Variants in PABIR2 observed in about 807,000 individuals in gnomAD.
PABIR2 encodes the protein PABIR family member 2, also known as family with sequence similarity 122B.
A neutral mutation model predicts 22.8 loss-of-function variants in PABIR2; 7 were observed. That is an observed-to-expected ratio of 0.31 (90% confidence interval 0.17 to 0.58). The LOEUF (loss-of-function observed/expected upper bound fraction) is 0.58. PABIR2 is among the 20% of genes least tolerant of loss of function. The pLI is 0.89. For missense variants in PABIR2, 155 were observed against 205.1 expected, an observed-to-expected ratio of 0.76 and a Z score of 1.49; for synonymous variants, 67 against 73.8, an observed-to-expected ratio of 0.91 and a Z score of 0.47.
Position 134,771,790 on chromosome X carries a change from A to G in PABIR2, c.*349T>C, listed in dbSNP as rs1009978169. 8 of 820,563 alleles carry G rather than the reference A, an allele frequency of 9.7e-6. No individual in the cohort carries two copies. Among genetic ancestry groups the G allele is most frequent in the Non-Finnish European group, 1.2e-5 (8 of 683,846 alleles). 67.6% of individuals were successfully genotyped at this position (820,563 alleles called of 1,213,427 possible). On this transcript the variant is annotated 3_prime_UTR_variant, in exon 10 of 10. Transcript: ENST00000343004. Reference sequence around the variant, plus strand: ...AATCTGTCATATCACTGCTGCGGAAAAGGACCATTAAAGGCAATACACATC... The same window carrying G: ...AATCTGTCATATCACTGCTGCGGAAGAGGACCATTAAAGGCAATACACATC...
chrX:134,792,808 G>A (rs1041097054), intron 2 of PABIR2, among the ~76,000 whole-genome samples: 4 of 111,878 alleles, frequency 3.6e-5, no homozygotes, highest in African/African-American at 9.8e-5. Flanking sequence ...TTTGTAATAC[G>A]TAAAATACTA....
rs763785225 is a variant in PABIR2, at chrX:134,781,930, G to C, written c.563-13C>G. ...GTCTCCATTTCACCTAAAACAGAAA[G>C]AGATGATGCTACTATAAAACAATTT... On this transcript the variant is annotated splice_polypyrimidine_tract_variant and intron_variant, in intron 8 of 9. Transcript: ENST00000343004. The C allele has an allele frequency of 3.5e-6, 4 of 1,140,977 alleles. No homozygotes were observed. In the East Asian group the frequency reaches 1.2e-4, roughly 34 times the overall value. The allele number at this position is 1,140,977 out of a possible 1,213,427, so 94.0% of individuals were successfully genotyped here. A position where few individuals can be genotyped will look rare whatever the true frequency, so the allele number is the denominator to read the frequency against.
rs200890348 is a variant in PABIR2 at position 134,796,105 on chromosome X, C to T, written c.98+3G>A. 1.2e-4 allele frequency: 147 copies of T among 1,206,586 alleles called. No homozygotes were observed. In the African/African-American group the frequency reaches 1.8e-3, roughly 15 times the overall value. On this transcript the variant is annotated splice_donor_region_variant and intron_variant, in intron 1 of 9. Coordinates refer to ENST00000343004, the MANE Select transcript of PABIR2 (RefSeq NM_001387468.1). ...GTACTCCATCCTCCCCAACCCTGCTCACCTGAGCCCATGGATTAGGGGAGC... is the reference window on the plus strand; with the variant it reads ...GTACTCCATCCTCCCCAACCCTGCTTACCTGAGCCCATGGATTAGGGGAGC...
chrX:134,782,236 A>G (rs892461293), intron 8 of PABIR2, among the ~76,000 whole-genome samples: 2 of 111,952 alleles, frequency 1.8e-5, no homozygotes, highest in African/African-American at 6.5e-5. Context: ...GAATTCCCAA[A>G]TAACTGAAAC....
chrX:134,793,268 T>G (rs1044964371), intron 2 of PABIR2, among the ~76,000 whole-genome samples: 1 of 112,149 alleles, frequency 8.9e-6, no homozygotes, highest in African/African-American at 3.2e-5. Flanking sequence ...GAGTTCCACA[T>G]GTGAACTGCT....
chrX:134,783,222 T>C (rs1392910078), intron 8 of PABIR2, among the ~76,000 whole-genome samples: 2 of 112,224 alleles, frequency 1.8e-5, no homozygotes. Flanking sequence ...TAAATACAAA[T>C]ATTGTCACCA....
In PABIR2 at chrX:134,796,403, T is replaced by A; in HGVS notation, c.-198A>T. Reference sequence around the variant, plus strand: ...GAGGAGGAGGGAAGGAGGATGATGATGAGGAAGGGAGGATGATGGTGAGGC... The same window carrying A: ...GAGGAGGAGGGAAGGAGGATGATGAAGAGGAAGGGAGGATGATGGTGAGGC... On this transcript the variant is annotated 5_prime_UTR_variant, in exon 1 of 10. Coordinates refer to ENST00000343004, the MANE Select transcript of PABIR2 (RefSeq NM_001387468.1). The A allele has an allele frequency of 2.6e-6, 1 of 384,185 alleles. No individual in the cohort carries two copies. The highest frequency in any genetic ancestry group is 4.5e-6 in the Non-Finnish European group (1 of 222,126). 31.7% of individuals were successfully genotyped at this position (384,185 alleles called of 1,213,427 possible). A position where few individuals can be genotyped will look rare whatever the true frequency, so the allele number is the denominator to read the frequency against.
At chrX:134,775,550 G>A (rs1381884708) in intron 9 of PABIR2, among the ~76,000 whole-genome samples, 1 of 103,235 alleles carries the variant, frequency 9.7e-6, no homozygotes, top group African/African-American at 3.5e-5. Context: ...AAGTACTTAT[G>A]ACTTAAAGTA....
Position 134,789,008 on chromosome X carries a change from G to A in PABIR2, c.333+77C>T, listed in dbSNP as rs1275705257. The A allele has an allele frequency of 1.7e-5, 20 of 1,159,750 alleles. No individual in the cohort carries two copies. The East Asian group carries it at 1.8e-4, about 10-fold the overall frequency. ...GAAGTAGAAGGGGAAAGAAGTGTGC[G>A]AAAAAATTAATGAACCTAGTGAACA... is the stretch of plus-strand genomic sequence containing the variant. On this transcript the variant is annotated intron_variant, in intron 5 of 9. Coordinates refer to ENST00000343004, the MANE Select transcript of PABIR2 (RefSeq NM_001387468.1).
At chrX:134,776,461 C>T (rs1387688161) in intron 9 of PABIR2, among the ~76,000 whole-genome samples, 1 of 110,830 alleles carries the variant, frequency 9.0e-6, no homozygotes, top group African/African-American at 3.3e-5. Context: ...AGATTAAGAG[C>T]TCCCAGTGTG....
intron 6 of PABIR2, among the ~76,000 whole-genome samples, chrX:134,788,076 T>C (rs1188416449): frequency 9.3e-6 from 1 of 107,880 alleles, no homozygotes; most frequent in Non-Finnish European, 1.9e-5. Context: ...ATATGTAATA[T>C]ACACGTTATA....
intron 1 of PABIR2, 131 bp from the exon 2 acceptor site, chrX:134,794,024 A>G: frequency 9.1e-7 from 1 of 1,101,765 alleles, no homozygotes; most frequent in South Asian, 2.3e-5. Flanking sequence ...CTCATTTCAT[A>G]CAGAGAATGA....
chrX:134,776,114 A>G (rs995251500), intron 9 of PABIR2, among the ~76,000 whole-genome samples: 2 of 111,596 alleles, frequency 1.8e-5, no homozygotes, highest in African/African-American at 6.5e-5. Flanking sequence ...GTGTATACAC[A>G]TGTACTTTAG....
intron 9 of PABIR2, among the ~76,000 whole-genome samples, chrX:134,779,110 A>G (rs1304209501): frequency 9.0e-6 from 1 of 111,369 alleles, no homozygotes; most frequent in Non-Finnish European, 1.9e-5. Context: ...CACTGTGCCC[A>G]GCCACAACAG....
At chrX:134,795,460 T>C (rs1428430325) in intron 1 of PABIR2, among the ~76,000 whole-genome samples, 1 of 111,429 alleles carries the variant, frequency 9.0e-6, no homozygotes, top group South Asian at 3.7e-4. Flanking sequence ...CGATGACTTA[T>C]TGACATGAAA....
intron 9 of PABIR2, among the ~76,000 whole-genome samples, chrX:134,775,931 A>T: frequency 8.9e-6 from 1 of 112,123 alleles, no homozygotes. Context: ...AGTTTTTAAG[A>T]TCACATATTT....
Position 134,771,762 on chromosome X carries a change from T to C in PABIR2, c.*377A>G. ...ATCTCTCAAGCAAGAGAATTTCTGA[T>C]CAAATCTGTCATATCACTGCTGCGG... On this transcript the variant is annotated 3_prime_UTR_variant, in exon 10 of 10. Coordinates refer to ENST00000343004, the MANE Select transcript of PABIR2 (RefSeq NM_001387468.1). 1 of 806,841 alleles carries C rather than the reference T, an allele frequency of 1.2e-6. No homozygotes were observed. Among genetic ancestry groups the C allele is most frequent in the Non-Finnish European group, 1.5e-6 (1 of 674,561 alleles). 66.5% of individuals were successfully genotyped at this position (806,841 alleles called of 1,213,427 possible).
Position 134,770,895 on chromosome X carries a change from T to C in PABIR2, c.*1244A>G, listed in dbSNP as rs1413547461. On this transcript the variant is annotated 3_prime_UTR_variant, in exon 10 of 10. Transcript: ENST00000343004. The stretch of plus-strand genomic sequence containing the variant: ...GCACAATCACATTGACTTTTTCAGC[T>C]TCTAAAAGCTTCTTTGTAGATATTA... 1 of 119,739 alleles carries C rather than the reference T, an allele frequency of 8.4e-6. No homozygotes were observed. The highest frequency in any genetic ancestry group is 1.7e-5 in the Non-Finnish European group (1 of 58,288). The allele number at this position is 119,739 out of a possible 1,213,427, so 9.9% of individuals were successfully genotyped here. A position where few individuals can be genotyped will look rare whatever the true frequency, so the allele number is the denominator to read the frequency against.
intron 9 of PABIR2, among the ~76,000 whole-genome samples, chrX:134,778,963 G>A (rs948429350): frequency 9.0e-6 from 1 of 110,637 alleles, no homozygotes; most frequent in African/African-American, 3.3e-5. Context: ...ACAGGCGCCC[G>A]CCACCATGCC....
Sources: gnomAD v4.1 joint callset for allele counts (sites outside exome capture counted in the v4.1 genomes callset) on GRCh38, gnomAD v4.1.1 for gene constraint, MANE v1.5 for transcripts, NCBI Gene and HGNC (gene_info 2026-07-23, HGNC 2026-07-21) for gene names.